The following NLGN1 variants were observed in gnomAD, a reference collection of about 807,000 sequenced individuals.
NLGN1 encodes the protein neuroligin 1, also known as neuroligin-1.
In NLGN1, 12 loss-of-function variants were observed where a neutral mutation model predicts 65.5. That is an observed-to-expected ratio of 0.18 (90% CI 0.12 to 0.30). The LOEUF (loss-of-function observed/expected upper bound fraction) is 0.30, where lower values mean the gene tolerates loss of function less well. NLGN1 is among the 10% of genes least tolerant of loss of function. The pLI is 1.00. For missense variants in NLGN1, 750 were observed against 1,007.1 expected, an observed-to-expected ratio of 0.74 and a Z score of 3.46; for synonymous variants, 350 against 359.5, an observed-to-expected ratio of 0.97 and a Z score of 0.30.
At chr3:174,057,349 G>T (rs1467247468) in intron 4 of NLGN1, among the ~76,000 whole-genome samples, 1 of 152,062 alleles carries the variant, frequency 6.6e-6, no homozygotes, top group Non-Finnish European at 1.5e-5. Flanking sequence ...ACCTTATGGA[G>T]ATGTGTATGA....
intron 2 of NLGN1, among the ~76,000 whole-genome samples, chr3:173,512,922 A>G (rs1162708827): frequency 6.6e-6 from 1 of 152,226 alleles, no homozygotes; most frequent in Non-Finnish European, 1.5e-5. Flanking sequence ...AGTAATGCAA[A>G]GTAAGACGTG....
intron 2 of NLGN1, among the ~76,000 whole-genome samples, chr3:173,516,606 A>G (rs1043897598): frequency 2.0e-5 from 3 of 152,056 alleles, no homozygotes; most frequent in African/African-American, 7.2e-5. Context: ...TGCTATATCT[A>G]TTGCCCCCTC....
intron 1 of NLGN1, among the ~76,000 whole-genome samples, chr3:173,418,672 C>G (rs183554738): frequency 1.3e-5 from 2 of 152,012 alleles, no homozygotes; most frequent in Non-Finnish European, 2.9e-5. Context: ...ATCTACTGTC[C>G]ATTTATTCTG....
intron 4 of NLGN1, among the ~76,000 whole-genome samples, chr3:174,069,530 A>T (rs1739373541): frequency 2.0e-5 from 3 of 152,224 alleles, no homozygotes; most frequent in Admixed American, 2.0e-4. Flanking sequence ...TCCTATTTAT[A>T]TAAACCTATG....
intron 4 of NLGN1, among the ~76,000 whole-genome samples, chr3:174,152,856 C>T (rs1467554270): frequency 1.3e-5 from 2 of 152,090 alleles, no homozygotes; most frequent in Non-Finnish European, 2.9e-5. Context: ...CCACATCTGT[C>T]ATCTATTATC....
chr3:174,239,008 T>C (rs1363865656), intron 4 of NLGN1, among the ~76,000 whole-genome samples: 1 of 152,164 alleles, frequency 6.6e-6, no homozygotes, highest in Non-Finnish European at 1.5e-5. Flanking sequence ...CATCCATTTC[T>C]TACCTACAGC....
intron 4 of NLGN1, among the ~76,000 whole-genome samples, chr3:174,195,224 C>T (rs1733188183): frequency 6.6e-6 from 1 of 152,146 alleles, no homozygotes; most frequent in Admixed American, 6.5e-5. Flanking sequence ...GACCTTTAAA[C>T]TAGTTCCCTT....
intron 3 of NLGN1, among the ~76,000 whole-genome samples, chr3:173,620,040 G>T (rs1393473864): frequency 1.3e-5 from 2 of 152,068 alleles, no homozygotes; most frequent in Admixed American, 1.3e-4. Flanking sequence ...AGATGTCTCC[G>T]GAGCTTGGAG....
At chr3:173,448,731 A>C (rs1720877575) in intron 2 of NLGN1, among the ~76,000 whole-genome samples, 1 of 152,130 alleles carries the variant, frequency 6.6e-6, no homozygotes, top group Admixed American at 6.5e-5. Flanking sequence ...TTATTGCCTC[A>C]ATTTCAGAGC....
intron 4 of NLGN1, among the ~76,000 whole-genome samples, chr3:173,885,609 G>A (rs555262487): frequency 3.7e-3 from 555 of 151,968 alleles, no homozygotes; most frequent in African/African-American, 0.013. Flanking sequence ...ATAATAAAAA[G>A]CATATTCAAT....
At chr3:173,540,601 C>A (rs2149227357) in intron 2 of NLGN1, among the ~76,000 whole-genome samples, 1 of 152,222 alleles carries the variant, frequency 6.6e-6, no homozygotes, top group African/African-American at 2.4e-5. Flanking sequence ...TTTCATGGGT[C>A]CATGAAATCT....
intron 2 of NLGN1, among the ~76,000 whole-genome samples, chr3:173,526,383 A>G (rs1735646528): frequency 1.3e-5 from 2 of 151,866 alleles, no homozygotes; most frequent in Non-Finnish European, 2.9e-5. Flanking sequence ...AAGAATGGCT[A>G]CTGCTCTTCA....
chr3:173,567,118 C>A (rs1430562409), intron 2 of NLGN1, among the ~76,000 whole-genome samples: 2 of 152,000 alleles, frequency 1.3e-5, no homozygotes, highest in Non-Finnish European at 1.5e-5. Context: ...TTGACTTTAA[C>A]CTTGGTAGTT....
chr3:174,211,692 T>A (rs546432356), intron 4 of NLGN1, among the ~76,000 whole-genome samples: 3 of 145,196 alleles, frequency 2.1e-5, no homozygotes, highest in Non-Finnish European at 4.5e-5. Context: ...GAGCTAGATA[T>A]AAAGGTTCTC....
intron 4 of NLGN1, among the ~76,000 whole-genome samples, chr3:174,137,043 C>CTA (rs1721352194): frequency 1.3e-5 from 2 of 151,992 alleles, no homozygotes; most frequent in South Asian, 4.1e-4. Flanking sequence ...AACAAAAAGC[C>CTA]TATATATATG....
intron 1 of NLGN1, among the ~76,000 whole-genome samples, chr3:173,415,922 GAGA>G (rs1713660908): frequency 7.3e-6 from 1 of 136,438 alleles, no homozygotes; most frequent in African/African-American, 3.2e-5. Context: ...GAGAGAGGGA[GAGA>G]GAGAGAGAGA....
intron 2 of NLGN1, among the ~76,000 whole-genome samples, chr3:173,527,404 T>C (rs13069274): frequency 0.38 from 58,010 of 152,160 alleles, 12,835 homozygotes; most frequent in East Asian, 0.82. Flanking sequence ...TTTTCTTTTT[T>C]TCTTTTTTTT....
At chr3:173,747,538 A>G (rs1275866134) in intron 3 of NLGN1, among the ~76,000 whole-genome samples, 1 of 150,378 alleles carries the variant, frequency 6.6e-6, no homozygotes, top group African/African-American at 2.4e-5. Flanking sequence ...GGCAAGCAAA[A>G]GTCCTGTTCG....
chr3:173,722,324 A>G (rs1770991627), intron 3 of NLGN1, among the ~76,000 whole-genome samples: 1 of 145,360 alleles, frequency 6.9e-6, no homozygotes, highest in Non-Finnish European at 1.5e-5. Flanking sequence ...GCTCACTGCA[A>G]CCTCTGCCTC....
Sources: allele counts gnomAD v4.1 joint callset (sites outside exome capture counted in the v4.1 genomes callset), GRCh38; gene constraint gnomAD v4.1.1; transcripts MANE v1.5; gene names NCBI Gene and HGNC (gene_info 2026-07-23, HGNC 2026-07-21).